CACNA1C: variants seen among roughly 807,000 people sequenced by gnomAD.
CACNA1C encodes the protein voltage-dependent L-type calcium channel subunit alpha-1C.
A neutral mutation model predicts 229.0 loss-of-function variants in CACNA1C; 30 were observed. The observed-to-expected ratio is 0.13, with a 90% confidence interval of 0.10 to 0.18. The LOEUF is 0.18. CACNA1C is among the 10% of genes least tolerant of loss of function. CACNA1C has a pLI of 1.00. For missense variants in CACNA1C, 1,658 were observed against 2,845.0 expected, an observed-to-expected ratio of 0.58 and a Z score of 9.49; for synonymous variants, 1,114 against 1,132.5, an observed-to-expected ratio of 0.98 and a Z score of 0.33.
chr12:2,079,685 A>T (rs1457917100), intron 1 of CACNA1C, among the ~76,000 whole-genome samples: 1 of 152,200 alleles, frequency 6.6e-6, no homozygotes, highest in South Asian at 2.1e-4. Flanking sequence ...TAAATTTTAT[A>T]TATATATTTT....
chr12:2,658,478 G>C (rs1316137181), intron 34 of CACNA1C, among the ~76,000 whole-genome samples: 1 of 152,138 alleles, frequency 6.6e-6, no homozygotes, highest in African/African-American at 2.4e-5. Context: ...TCAGGTGTTC[G>C]TGGTGCTGCC....
chr12:2,633,170 G>A lies in CACNA1C; in HGVS notation c.3829-1127G>A, dbSNP rs1242567157. On this transcript the variant is annotated intron_variant, in intron 29 of 46. Coordinates refer to ENST00000399655, the MANE Select transcript of CACNA1C (RefSeq NM_000719.7). The surrounding 1 kb of genome is among the most constrained non-coding windows in gnomAD (Gnocchi z 5.8). Reference sequence around the variant, plus strand: ...CAGCTTCACCCATAGGACCGAGCCCGCTACCCTCTGAGGGGTCACACACCT... The same window carrying A: ...CAGCTTCACCCATAGGACCGAGCCCACTACCCTCTGAGGGGTCACACACCT... 1.3e-5 allele frequency among the ~76,000 whole-genome samples: 2 copies of A among 152,118 alleles called. No individual in the cohort carries two copies. The highest frequency in any genetic ancestry group is 4.8e-5 in the African/African-American group (2 of 41,402).
intron 3 of CACNA1C, among the ~76,000 whole-genome samples, chr12:2,216,863 A>AAGC (rs1222923882): frequency 1.3e-5 from 2 of 152,174 alleles, no homozygotes; most frequent in African/African-American, 4.8e-5. Context: ...GACCAATAGA[A>AAGC]AGCATATCCT....
intron 3 of CACNA1C, among the ~76,000 whole-genome samples, chr12:2,314,430 G>T (rs867510726): frequency 3.9e-5 from 6 of 152,172 alleles, no homozygotes; most frequent in African/African-American, 1.4e-4. Flanking sequence ...CTCACCTCGT[G>T]CACACGGCTG....
chr12:2,350,084 AG>A (rs1389085656), intron 3 of CACNA1C, among the ~76,000 whole-genome samples: 5 of 152,192 alleles, frequency 3.3e-5, no homozygotes, highest in Admixed American at 3.3e-4. Flanking sequence ...TTCACTGTCT[AG>A]TGAGAAGGTG....
chr12:2,533,636 G>GA (rs2099846179), intron 9 of CACNA1C, among the ~76,000 whole-genome samples: 1 of 152,194 alleles, frequency 6.6e-6, no homozygotes, highest in South Asian at 2.1e-4. Context: ...CGGTGGAGAG[G>GA]AAAGGACAGG....
Position 2,479,819 on chromosome 12 carries a change from AG to A in CACNA1C, c.758-6283del, listed in dbSNP as rs1346822889. ...TGTAGAAGGGGTTTTCCCAGGCTTGAGGTTGACTCGCCATTTCTTTTCATCC... is the reference window on the plus strand; with the variant it reads ...TGTAGAAGGGGTTTTCCCAGGCTTGAGTTGACTCGCCATTTCTTTTCATCC... On this transcript the variant is annotated intron_variant, in intron 5 of 46. Transcript: ENST00000399655. This position sits in a 1 kb window ranked among gnomAD's most constrained non-coding sequence, Gnocchi z 4.3. Among the ~76,000 whole-genome samples the A allele has an allele frequency of 6.6e-6, 1 of 152,146 alleles. No individual in the cohort carries two copies. Among genetic ancestry groups the A allele is most frequent in the Non-Finnish European group, 1.5e-5 (1 of 68,028 alleles).
In CACNA1C at chr12:2,693,845, CT is replaced by C. The variant is rs952347480; in HGVS notation, c.*2647del. On this transcript the variant is annotated 3_prime_UTR_variant, in exon 47 of 47. Transcript: ENST00000399655. ...AAATCTCTTCCAGTCCTAGTGTTCC[CT>C]GAGCCCCTCTTGGCACATATATAAG... is the stretch of plus-strand genomic sequence containing the variant. 1 of 152,210 alleles carries C rather than the reference CT, an allele frequency of 6.6e-6. No individual in the cohort carries two copies. The highest frequency in any genetic ancestry group is 2.4e-5 in the African/African-American group (1 of 41,434). The allele number at this position is 152,210 out of a possible 1,614,324, so 9.4% of individuals were successfully genotyped here. A position where few individuals can be genotyped will look rare whatever the true frequency, so the allele number is the denominator to read the frequency against.
chr12:1,986,451 A>G (rs1024319871), intron 1 of CACNA1C, among the ~76,000 whole-genome samples: 2 of 152,108 alleles, frequency 1.3e-5, no homozygotes, highest in African/African-American at 4.8e-5. Context: ...TAAAAATAAA[A>G]ATACATAATG....
At chr12:2,650,389 C>T (rs1326108257) in intron 31 of CACNA1C, among the ~76,000 whole-genome samples, 1 of 152,146 alleles carries the variant, frequency 6.6e-6, no homozygotes, top group Non-Finnish European at 1.5e-5. Context: ...AGATAAAAGG[C>T]AAGGTAAAGC....
At chr12:2,394,496 T>C (rs2098538866) in intron 3 of CACNA1C, among the ~76,000 whole-genome samples, 1 of 152,226 alleles carries the variant, frequency 6.6e-6, no homozygotes, top group Admixed American at 6.5e-5. Flanking sequence ...TCCCCTGCTG[T>C]CTGGAGAGAA....
intron 19 of CACNA1C, among the ~76,000 whole-genome samples, chr12:2,594,227 T>C (rs1166429513): frequency 6.6e-6 from 1 of 152,234 alleles, no homozygotes; most frequent in African/African-American, 2.4e-5. Context: ...AGCCTATGTA[T>C]TTAGATTTTT....
rs2154579679 is a variant in CACNA1C at position 2,512,941 on chromosome 12, T to C, written c.1347T>C (p.Pro449=). The C allele has an allele frequency of 6.2e-7, 1 of 1,611,104 alleles. No homozygotes were observed. The highest frequency in any genetic ancestry group is 1.3e-5 in the African/African-American group (1 of 74,976). ...DWITQAEDID[P]ENEDEGMDEE... is the part of the protein sequence containing the mutation. Reference sequence around the variant, plus strand: ...TCACTCAGGCCGAAGACATCGATCCTGAGAATGAGGACGAAGGCATGGATG... The same window carrying C: ...TCACTCAGGCCGAAGACATCGATCCCGAGAATGAGGACGAAGGCATGGATG... Residue 449 remains proline (P), a synonymous_variant, in exon 9 of 47, where the codon CCT becomes CCC. Coordinates refer to ENST00000399655, the MANE Select transcript of CACNA1C (RefSeq NM_000719.7). The surrounding 1 kb of genome is among the most constrained non-coding windows in gnomAD (Gnocchi z 4.3).
chr12:2,501,802 A>G (rs952771948), intron 7 of CACNA1C, among the ~76,000 whole-genome samples: 3 of 152,184 alleles, frequency 2.0e-5, no homozygotes, highest in African/African-American at 7.2e-5. Context: ...GCTCCCTGGG[A>G]TGGGGACAGT....
rs1556368786 is a variant in CACNA1C at position 2,696,878 on chromosome 12, T to TAA, written c.*5679_*5680insAA. 1 of 148,334 alleles carries TAA rather than the reference T, an allele frequency of 6.7e-6. No individual in the cohort carries two copies. Among genetic ancestry groups the TAA allele is most frequent in the Non-Finnish European group, 1.5e-5 (1 of 67,974 alleles). The allele number at this position is 148,334 out of a possible 1,614,324, so 9.2% of individuals were successfully genotyped here. A position where few individuals can be genotyped will look rare whatever the true frequency, so the allele number is the denominator to read the frequency against. On this transcript the variant is annotated 3_prime_UTR_variant, in exon 47 of 47. Transcript: ENST00000399655. Reference sequence around the variant, plus strand: ...CCCTTGAAGAAACCTCTCCTGGCCATTGGCCAGGAGAAAAGAGAAGTCTCT... The same window carrying TAA: ...CCCTTGAAGAAACCTCTCCTGGCCATAATGGCCAGGAGAAAAGAGAAGTCTCT...
intron 10 of CACNA1C, among the ~76,000 whole-genome samples, chr12:2,555,068 G>C (rs1326036133): frequency 2.6e-5 from 4 of 152,236 alleles, no homozygotes; most frequent in African/African-American, 9.6e-5. Flanking sequence ...AGAAGGCTCT[G>C]TCCATTTCGT....
chr12:2,463,664 A>G (rs2099530870), intron 5 of CACNA1C, among the ~76,000 whole-genome samples: 1 of 152,216 alleles, frequency 6.6e-6, no homozygotes, highest in Admixed American at 6.5e-5. Context: ...AGGAAATCAC[A>G]CAAAGGAAGG....
chr12:2,533,799 G>A (rs570361296), intron 9 of CACNA1C, among the ~76,000 whole-genome samples: 4 of 152,150 alleles, frequency 2.6e-5, no homozygotes, highest in Admixed American at 2.6e-4. Flanking sequence ...TCCCGGTTCT[G>A]CTCTCGGCAG....
chr12:2,352,243 C>T (rs987124881), intron 3 of CACNA1C, among the ~76,000 whole-genome samples: 2 of 152,206 alleles, frequency 1.3e-5, no homozygotes, highest in African/African-American at 4.8e-5. Flanking sequence ...TCTTCTCCCA[C>T]TCTCCTGCTC....
Sources: allele counts gnomAD v4.1 joint callset (sites outside exome capture counted in the v4.1 genomes callset), GRCh38; gene constraint gnomAD v4.1.1; non-coding constraint Gnocchi (gnomAD v3.1); transcripts MANE v1.5; gene names NCBI Gene and HGNC (gene_info 2026-07-23, HGNC 2026-07-21).